The following WDPCP variants were observed in gnomAD, a reference collection of about 807,000 sequenced individuals.
The protein encoded by WDPCP is WD repeat containing planar cell polarity effector, also known as WD repeat-containing and planar cell polarity effector protein fritz homolog.
Under a neutral mutation model 93.1 loss-of-function variants are expected in WDPCP, and 71 were observed. The ratio of observed to expected loss-of-function variants is 0.76; its 90% CI spans 0.63 to 0.93. WDPCP has a LOEUF of 0.93. Ranked by LOEUF, WDPCP falls within the 40% of genes least tolerant of loss-of-function variation. WDPCP has a pLI of 0.00. For missense variants in WDPCP, 844 were observed against 887.4 expected (o/e 0.95, Z 0.62); for synonymous variants, 315 against 315.0 (o/e 1.00, Z 0.00).
Position 63,216,060 on chromosome 2 carries a change from T to G in WDPCP, c.1916-41228A>C, listed in dbSNP as rs1309406795. ...ATCATTAAAAAGTCAGGAAACAACA[T>G]GTGCTGGAGAGGATGTGGAGAAATA... is the stretch of plus-strand genomic sequence containing the variant. On this transcript the variant is annotated intron_variant, in intron 14 of 17. Coordinates refer to ENST00000272321, the MANE Select transcript of WDPCP (RefSeq NM_015910.7). Among the ~76,000 whole-genome samples, 20 of 152,010 alleles carry G rather than the reference T, an allele frequency of 1.3e-4. 1 individual carries two copies. Among genetic ancestry groups the G allele is most frequent in the African/African-American group, 1.9e-4 (8 of 41,404 alleles).
chr2:63,589,362 C>A (rs753210001), upstream of WDPCP: 5 of 1,550,460 alleles, frequency 3.2e-6, no homozygotes, highest in Admixed American at 2.0e-5. Flanking sequence ...AAGGACGTTA[C>A]GGTGTTTGAT....
At chr2:63,128,897 A>G (rs921807644) in intron 17 of WDPCP, among the ~76,000 whole-genome samples, 1 of 152,074 alleles carries the variant, frequency 6.6e-6, no homozygotes, top group African/African-American at 2.4e-5. Context: ...TGAACTCCTG[A>G]CCTCAGGTGA....
At chr2:63,439,318 C>T (rs1173539607) in intron 7 of WDPCP, among the ~76,000 whole-genome samples, 1 of 152,070 alleles carries the variant, frequency 6.6e-6, no homozygotes, top group Non-Finnish European at 1.5e-5. Context: ...AGCCCAAAAT[C>T]TCTCTAAGAC....
intron 1 of WDPCP, among the ~76,000 whole-genome samples, chr2:63,583,550 A>G (rs1233384054): frequency 6.6e-6 from 1 of 152,030 alleles, no homozygotes; most frequent in Non-Finnish European, 1.5e-5. Flanking sequence ...GTGTGGTGGC[A>G]CGTGCCTGTA....
At chr2:63,575,771 G>C (rs981175309) in intron 1 of WDPCP, among the ~76,000 whole-genome samples, 1 of 151,526 alleles carries the variant, frequency 6.6e-6, no homozygotes, top group Non-Finnish European at 1.5e-5. Flanking sequence ...AAACACATGT[G>C]TGCGTATGTA....
chr2:63,529,556 G>A (rs2106222235), intron 1 of WDPCP, among the ~76,000 whole-genome samples: 1 of 152,298 alleles, frequency 6.6e-6, no homozygotes, highest in Non-Finnish European at 1.5e-5. Flanking sequence ...TGCATCCCAG[G>A]GATGAAACCG....
At chr2:63,657,548 T>G (rs1217323452) in intron 2 of WDPCP, among the ~76,000 whole-genome samples, 1 of 152,040 alleles carries the variant, frequency 6.6e-6, no homozygotes, top group Non-Finnish European at 1.5e-5. Context: ...GGTTGTTCTG[T>G]GGAGAATAGA....
At chr2:63,734,708 G>C (rs985032047) in intron 2 of WDPCP, among the ~76,000 whole-genome samples, 2 of 152,016 alleles carry the variant, frequency 1.3e-5, no homozygotes, top group African/African-American at 4.8e-5. Flanking sequence ...GCTGACCATG[G>C]CAAAATGCAT....
At chr2:63,532,517 G>C (rs1454027543) in intron 1 of WDPCP, among the ~76,000 whole-genome samples, 3 of 152,186 alleles carry the variant, frequency 2.0e-5, no homozygotes, top group Non-Finnish European at 4.4e-5. Flanking sequence ...TCTCTCAGCA[G>C]AAACTCTACA....
intron 1 of WDPCP, among the ~76,000 whole-genome samples, chr2:63,508,472 T>G (rs1295938150): frequency 6.6e-6 from 1 of 152,132 alleles, no homozygotes; most frequent in Admixed American, 6.5e-5. Flanking sequence ...TACCAGCCAC[T>G]GCAAAAACAA....
chr2:63,212,244 G>C (rs1195722722), intron 14 of WDPCP, among the ~76,000 whole-genome samples: 1 of 152,180 alleles, frequency 6.6e-6, no homozygotes, highest in Non-Finnish European at 1.5e-5. Context: ...ACAAAGGGAA[G>C]CCCATCAGAC....
intron 15 of WDPCP, among the ~76,000 whole-genome samples, chr2:63,158,358 C>T (rs956825072): frequency 3.3e-5 from 5 of 152,096 alleles, no homozygotes; most frequent in African/African-American, 4.8e-5. Context: ...TGTCTGTTCC[C>T]ATTGTGATCT....
chr2:63,240,800 A>G (rs897974694), intron 14 of WDPCP, among the ~76,000 whole-genome samples: 17 of 152,172 alleles, frequency 1.1e-4, no homozygotes, highest in African/African-American at 4.1e-4. Context: ...CAGAAAGAAA[A>G]ACAGAAGGGC....
the WDPCP span, among the ~76,000 whole-genome samples, chr2:63,840,776 C>T: frequency 7.9e-5 from 12 of 152,354 alleles, no homozygotes; most frequent in Non-Finnish European, 1.5e-4. Flanking sequence ...TCCCTGGCCG[C>T]AACGCCGCCG....
chr2:63,186,035 G>A (rs1258223312), intron 14 of WDPCP, among the ~76,000 whole-genome samples: 1 of 152,184 alleles, frequency 6.6e-6, no homozygotes, highest in East Asian at 1.9e-4. Flanking sequence ...GCTGCACCAG[G>A]TTCCTCACAT....
At chr2:63,621,107 C>T (rs1005608550) in intron 3 of WDPCP, among the ~76,000 whole-genome samples, 3 of 152,088 alleles carry the variant, frequency 2.0e-5, no homozygotes, top group Non-Finnish European at 4.4e-5. Context: ...CAGAACACCC[C>T]TTTTCTTCCA....
chr2:63,830,004 C>T (rs1671170284), upstream of WDPCP, among the ~76,000 whole-genome samples: 1 of 151,962 alleles, frequency 6.6e-6, no homozygotes, highest in African/African-American at 2.4e-5. Context: ...ATAATAATGA[C>T]ACATTTTAGT....
At chr2:63,254,474 T>G (rs933660801) in intron 14 of WDPCP, among the ~76,000 whole-genome samples, 3 of 152,162 alleles carry the variant, frequency 2.0e-5, no homozygotes, top group Non-Finnish European at 4.4e-5. Flanking sequence ...TAAGGTAATG[T>G]TTGTCACAGT....
chr2:63,438,129 T>C (rs1697262056), intron 7 of WDPCP: 1 of 736,650 alleles, frequency 1.4e-6, no homozygotes, highest in Non-Finnish European at 1.8e-6. Flanking sequence ...TTCTACAGCT[T>C]TGTCACCAAA....
Sources: gnomAD v4.1 joint callset for allele counts (sites outside exome capture counted in the v4.1 genomes callset) on GRCh38, gnomAD v4.1.1 for gene constraint, MANE v1.5 for transcripts, NCBI Gene and HGNC (gene_info 2026-07-23, HGNC 2026-07-21) for gene names.